Variants in UBE2G1 observed in about 807,000 individuals in gnomAD.
UBE2G1 encodes ubiquitin-conjugating enzyme E2 G1.
In UBE2G1, 5 loss-of-function variants were observed where a neutral mutation model predicts 22.7. The ratio of observed to expected loss-of-function variants is 0.22; its 90% CI spans 0.12 to 0.46. The LOEUF (loss-of-function observed/expected upper bound fraction) is 0.46. UBE2G1 is among the 20% of genes least tolerant of loss of function. The pLI is 0.99. For synonymous variants in UBE2G1, 74 were observed against 67.5 expected (o/e 1.10, Z -0.47); for missense variants, 88 against 203.9 (o/e 0.43, Z 3.46).
intron 1 of UBE2G1, among the ~76,000 whole-genome samples, chr17:4,363,091 A>G (rs1275924639): frequency 2.6e-5 from 4 of 152,200 alleles, no homozygotes; most frequent in Non-Finnish European, 4.4e-5. Context: ...ACTGCACCCC[A>G]GTTTGGGCAA....
At position 4,341,050 on chromosome 17, in the gene UBE2G1, CAA is replaced by C. The variant is rs71383550; in HGVS notation, c.46+25219_46+25220del. Among the ~76,000 whole-genome samples the C allele has an allele frequency of 9.2e-3, 789 of 85,922 alleles. 2 individuals carry two copies. Among genetic ancestry groups the C allele is most frequent in the African/African-American group, 0.026 (723 of 27,376 alleles). The allele number at this position is 85,922 out of a possible 152,430, so 56.4% of individuals were successfully genotyped here. A position where few individuals can be genotyped will look rare whatever the true frequency, so the allele number is the denominator to read the frequency against. ...GCACCTTTGGTGCCCAGTGTCTTTACAAAAAAAAAAAAAAAAAAAGATGGCAT... is the reference window on the plus strand; with the variant it reads ...GCACCTTTGGTGCCCAGTGTCTTTACAAAAAAAAAAAAAAAAAGATGGCAT... On this transcript the variant is annotated intron_variant, in intron 1 of 5. Transcript: ENST00000396981.
chr17:4,343,052 T>A (rs1356483607), intron 1 of UBE2G1, among the ~76,000 whole-genome samples: 1 of 152,178 alleles, frequency 6.6e-6, no homozygotes, highest in Admixed American at 6.6e-5. Context: ...ACCACATTTT[T>A]AATTTAATTA....
At chr17:4,305,134 TAGTAG>T (rs1335058914) in intron 2 of UBE2G1, among the ~76,000 whole-genome samples, 1 of 152,030 alleles carries the variant, frequency 6.6e-6, no homozygotes, top group Non-Finnish European at 1.5e-5. Flanking sequence ...TTTGTATTTT[TAGTAG>T]AGACAGGGTT....
chr17:4,351,205 T>TA (rs1969841654), intron 1 of UBE2G1, among the ~76,000 whole-genome samples: 2 of 151,740 alleles, frequency 1.3e-5, no homozygotes, highest in African/African-American at 4.9e-5. Context: ...AGGTTAAAAA[T>TA]AAGAGAAACT....
Position 4,323,766 on chromosome 17 carries a change from G to A in UBE2G1, c.47-16643C>T, listed in dbSNP as rs1274697577. Among the ~76,000 whole-genome samples, 5 of 152,194 alleles carry A rather than the reference G, an allele frequency of 3.3e-5. No individual in the cohort carries two copies. In the East Asian group the frequency reaches 5.8e-4, roughly 18 times the overall value. Reference sequence around the variant, plus strand: ...GTTTCACCATGGGCATCATGGTCTCGAAGTGGGCTCAAGCAATCTGCCCAC... The same window carrying A: ...GTTTCACCATGGGCATCATGGTCTCAAAGTGGGCTCAAGCAATCTGCCCAC... On this transcript the variant is annotated intron_variant, in intron 1 of 5. Coordinates refer to ENST00000396981, the MANE Select transcript of UBE2G1 (RefSeq NM_003342.5).
At chr17:4,358,604 T>A (rs993169760) in intron 1 of UBE2G1, among the ~76,000 whole-genome samples, 1 of 152,238 alleles carries the variant, frequency 6.6e-6, no homozygotes, top group Admixed American at 6.5e-5. Flanking sequence ...TTAATTTTCA[T>A]GATGTCCAGT....
intron 1 of UBE2G1, among the ~76,000 whole-genome samples, chr17:4,336,149 A>G (rs1969643290): frequency 6.6e-6 from 1 of 152,170 alleles, no homozygotes; most frequent in African/African-American, 2.4e-5. Context: ...TGTCTCAAAA[A>G]GAAAAGAAAA....
chr17:4,339,164 T>C (rs1169561578), intron 1 of UBE2G1, among the ~76,000 whole-genome samples: 1 of 152,216 alleles, frequency 6.6e-6, no homozygotes, highest in Non-Finnish European at 1.5e-5. Flanking sequence ...AGATTAAACC[T>C]GAGTTTGTGG....
rs373801131 is a variant in UBE2G1 at position 4,319,180 on chromosome 17, TAATA to T, written c.47-12061_47-12058del. On this transcript the variant is annotated intron_variant, in intron 1 of 5. Transcript: ENST00000396981. Reference sequence around the variant, plus strand: ...CATAAATCTATAAAGCTTTCTATAATAATAAATATACAGATTGAAAACATATCCC... The same window carrying T: ...CATAAATCTATAAAGCTTTCTATAATAATATACAGATTGAAAACATATCCC... Among the ~76,000 whole-genome samples the T allele has an allele frequency of 3.9e-5, 6 of 152,252 alleles. No homozygotes were observed. The East Asian group carries it at 1.2e-3, about 29-fold the overall frequency.
chr17:4,327,671 A>C (rs1362757353), intron 1 of UBE2G1, among the ~76,000 whole-genome samples: 3 of 152,160 alleles, frequency 2.0e-5, no homozygotes, highest in Non-Finnish European at 4.4e-5. Context: ...TCCAATATAC[A>C]TATCAGAAGT....
intron 1 of UBE2G1, among the ~76,000 whole-genome samples, chr17:4,365,386 G>C (rs954354830): frequency 2.0e-5 from 3 of 152,234 alleles, no homozygotes; most frequent in African/African-American, 4.8e-5. Context: ...AGCAGAGTAG[G>C]AGCCAACCCC....
chr17:4,355,499 G>A (rs1007113836), intron 1 of UBE2G1, among the ~76,000 whole-genome samples: 19 of 148,648 alleles, frequency 1.3e-4, no homozygotes, highest in Admixed American at 6.7e-4. Context: ...AAAATTAGCC[G>A]GTTGTGGTGG....
At chr17:4,366,148 C>T in intron 1 of UBE2G1, 123 bp downstream of exon 1, 8 of 1,049,482 alleles carry the variant, frequency 7.6e-6, no homozygotes, top group Non-Finnish European at 1.0e-5. Context: ...CCTCGAGGTC[C>T]CCACCCTCGC....
chr17:4,361,122 C>T (rs1030082624), intron 1 of UBE2G1, among the ~76,000 whole-genome samples: 2 of 151,708 alleles, frequency 1.3e-5, no homozygotes, highest in African/African-American at 4.9e-5. Flanking sequence ...ACTTGGGAGG[C>T]TAAAGCAGGA....
intron 3 of UBE2G1, among the ~76,000 whole-genome samples, chr17:4,289,762 CAT>C (rs1222758817): frequency 1.2e-4 from 19 of 152,152 alleles, no homozygotes; most frequent in Non-Finnish European, 2.6e-4. Context: ...TTGCAGAAAG[CAT>C]ATTTTTCCAA....
chr17:4,297,383 C>G (rs1430651591), intron 2 of UBE2G1, among the ~76,000 whole-genome samples: 1 of 152,150 alleles, frequency 6.6e-6, no homozygotes, highest in Non-Finnish European at 1.5e-5. Context: ...GAGTGACTTT[C>G]CAGAACAGCA....
intron 4 of UBE2G1, among the ~76,000 whole-genome samples, chr17:4,285,876 G>C (rs1348014432): frequency 2.6e-5 from 4 of 151,948 alleles, no homozygotes; most frequent in African/African-American, 9.7e-5. Flanking sequence ...GCTTGAACTT[G>C]GGAGGTGGAG....
intron 2 of UBE2G1, among the ~76,000 whole-genome samples, chr17:4,298,659 G>T (rs1454599379): frequency 6.6e-6 from 1 of 152,052 alleles, no homozygotes; most frequent in African/African-American, 2.4e-5. Context: ...TTAGTAAAAA[G>T]CAATAGGAAA....
At chr17:4,352,633 T>A (rs1167924250) in intron 1 of UBE2G1, among the ~76,000 whole-genome samples, 4 of 152,188 alleles carry the variant, frequency 2.6e-5, no homozygotes, top group Admixed American at 2.0e-4. Context: ...AGAAAAGCTA[T>A]AGTCATGACA....
Sources: gnomAD v4.1 joint callset for allele counts (sites outside exome capture counted in the v4.1 genomes callset) on GRCh38, gnomAD v4.1.1 for gene constraint, MANE v1.5 for transcripts, NCBI Gene and HGNC (gene_info 2026-07-23, HGNC 2026-07-21) for gene names.